Variants in TMCO5A observed in about 807,000 individuals in gnomAD.
The protein encoded by TMCO5A is transmembrane and coiled-coil domain-containing protein 5A.
In TMCO5A, 34 loss-of-function variants were observed where a neutral mutation model predicts 42.3. The observed-to-expected ratio is 0.80, with a 90% CI of 0.61 to 1.07. TMCO5A has a LOEUF of 1.07. Among genes scored for constraint, TMCO5A ranks in the 50% least tolerant of loss-of-function variants. The pLI is 0.00. For missense variants in TMCO5A, 357 were observed against 327.9 expected (o/e 1.09, Z -0.69); for synonymous variants, 131 against 115.6 (o/e 1.13, Z -0.86).
At chr15:37,943,149 A>C (rs1445881779) in intron 9 of TMCO5A, 192 bp from the exon 10 acceptor site, 1 of 472,444 alleles carries the variant, frequency 2.1e-6, no homozygotes, top group Non-Finnish European at 3.7e-6. Flanking sequence ...ATGGCAATTG[A>C]GTACATAAAA....
intron 11 of TMCO5A, among the ~76,000 whole-genome samples, chr15:37,960,607 C>A (rs1022128298): frequency 1.4e-4 from 22 of 152,120 alleles, no homozygotes; most frequent in African/African-American, 4.1e-4. Flanking sequence ...AATCTCCACA[C>A]TGTTTTCCAT....
At chr15:37,943,550 T>A in intron 10 of TMCO5A, 152 bp downstream of exon 10, 1 of 635,566 alleles carries the variant, frequency 1.6e-6, no homozygotes, top group Non-Finnish European at 2.7e-6. Context: ...ATTCCAACCC[T>A]AAACAAACAA....
At chr15:37,943,139 A>G (rs1889811226) in intron 9 of TMCO5A, 1 of 441,586 alleles carries the variant, frequency 2.3e-6, no homozygotes, top group South Asian at 3.7e-5. Context: ...CTAACTACAT[A>G]TGGCAATTGA....
chr15:37,995,852 A>AAAACAAAC, the TMCO5A span, among the ~76,000 whole-genome samples: 1 of 152,022 alleles, frequency 6.6e-6, no homozygotes, highest in East Asian at 1.9e-4. Flanking sequence ...CTCCAAAAAA[A>AAAACAAAC]AAACAAACAA....
At chr15:38,039,507 C>G in the TMCO5A span, among the ~76,000 whole-genome samples, 22 of 152,296 alleles carry the variant, frequency 1.4e-4, no homozygotes, top group Admixed American at 1.4e-3. Context: ...CTTTTTGGAA[C>G]AGGATTTGTA....
chr15:38,024,102 C>T, the TMCO5A span, among the ~76,000 whole-genome samples: 3 of 152,220 alleles, frequency 2.0e-5, no homozygotes, highest in African/African-American at 7.2e-5. Flanking sequence ...GCTTTCCAAG[C>T]TTGGGCCTGA....
the TMCO5A span, among the ~76,000 whole-genome samples, chr15:38,023,901 C>T: frequency 6.6e-6 from 1 of 152,166 alleles, no homozygotes; most frequent in African/African-American, 2.4e-5. Flanking sequence ...TACCACTCTT[C>T]AAAGTGGTTC....
At chr15:38,008,187 GC>G in the TMCO5A span, among the ~76,000 whole-genome samples, 1 of 151,982 alleles carries the variant, frequency 6.6e-6, no homozygotes, top group Non-Finnish European at 1.5e-5. Context: ...GAGCCACCGT[GC>G]CCAGCCAAAC....
At position 37,943,398 on chromosome 15, in the gene TMCO5A, G is replaced by A; in HGVS notation, c.627G>A (p.Glu209=). ...VEKEHTSQNN[E]GTPTQKTARL... is the part of the protein sequence containing the mutation. Reference sequence around the variant, plus strand: ...AAGAGCATACCAGCCAAAATAATGAGGTAAACACTCCATTCTCTCTTCAGC... The same window carrying A: ...AAGAGCATACCAGCCAAAATAATGAAGTAAACACTCCATTCTCTCTTCAGC... The change falls in exon 10 of 12, where the codon GAG becomes GAA. Residue 209 remains glutamate (E), a splice_region_variant and synonymous_variant. Coordinates refer to ENST00000319669, the MANE Select transcript of TMCO5A (RefSeq NM_152453.4). 6.2e-7 allele frequency: 1 copy of A among 1,612,096 alleles called. No individual in the cohort carries two copies. Among genetic ancestry groups the A allele is most frequent in the Non-Finnish European group, 8.5e-7 (1 of 1,178,948 alleles).
chr15:38,038,296 G>GTT, the TMCO5A span, among the ~76,000 whole-genome samples: 1 of 152,028 alleles, frequency 6.6e-6, no homozygotes. Context: ...TGGGACGATG[G>GTT]CACTGCTATA....
chr15:37,958,136 C>T lies in TMCO5A; in HGVS notation c.669-8489C>T, dbSNP rs564897401. ...ACGTAAGACCTAAAACCATAAAAAC[C>T]CTAGAAGAAAACCTAGGCAATACCA... On this transcript the variant is annotated intron_variant, in intron 11 of 11. Transcript: ENST00000559502. 3.9e-3 allele frequency among the ~76,000 whole-genome samples: 586 copies of T among 152,046 alleles called. 5 individuals carry two copies. Among genetic ancestry groups the T allele is most frequent in the Non-Finnish European group, 5.8e-3 (396 of 67,968 alleles).
intron 7 of TMCO5A, 133 bp from the exon 8 acceptor site, chr15:37,941,538 A>C: frequency 2.7e-6 from 2 of 743,942 alleles, no homozygotes; most frequent in Non-Finnish European, 4.5e-6. Context: ...TTATCTGTAC[A>C]GCAAAAAAGA....
chr15:37,981,363 G>C, the TMCO5A span, among the ~76,000 whole-genome samples: 2 of 152,188 alleles, frequency 1.3e-5, no homozygotes, highest in East Asian at 3.8e-4. Flanking sequence ...TTCCTCGCCA[G>C]TGTAAACTTT....
chr15:38,031,261 A>T, the TMCO5A span, among the ~76,000 whole-genome samples: 1 of 151,836 alleles, frequency 6.6e-6, no homozygotes. Flanking sequence ...CCTTAATATG[A>T]CCTAAAAACT....
In TMCO5A at chr15:37,940,520, C is replaced by A. The variant is rs552384937; in HGVS notation, c.388-629C>A. On this transcript the variant is annotated intron_variant, in intron 6 of 11. Transcript: ENST00000319669. ...AACCACCTACCACCTCCTCTCACACCACCACTACCATCACTATCTTTAAAC... is the reference window on the plus strand; with the variant it reads ...AACCACCTACCACCTCCTCTCACACAACCACTACCATCACTATCTTTAAAC... Among the ~76,000 whole-genome samples the A allele has an allele frequency of 3.9e-5, 6 of 152,164 alleles. No individual in the cohort carries two copies. The South Asian group carries it at 8.3e-4, about 21-fold the overall frequency.
the TMCO5A span, among the ~76,000 whole-genome samples, chr15:38,027,164 A>T: frequency 6.6e-6 from 1 of 152,000 alleles, no homozygotes; most frequent in Admixed American, 6.6e-5. Flanking sequence ...AGCTTGCACC[A>T]TTTGCCTGGA....
chr15:37,972,214 G>T (rs112984562), downstream of TMCO5A, among the ~76,000 whole-genome samples: 1,892 of 152,264 alleles, frequency 0.012, 16 homozygotes, highest in Non-Finnish European at 0.02. Context: ...CAAGAGAAGA[G>T]AGCTTGCTCA....
chr15:38,004,203 G>A, the TMCO5A span, among the ~76,000 whole-genome samples: 81 of 152,066 alleles, frequency 5.3e-4, no homozygotes, highest in Non-Finnish European at 1.0e-3. Flanking sequence ...AATGTCATCT[G>A]TGAGCTAGGG....
intron 9 of TMCO5A, chr15:37,942,623 ATCCTCACTTCC>A: frequency 5.4e-6 from 1 of 185,174 alleles, no homozygotes; most frequent in Non-Finnish European, 1.1e-5. Context: ...CATTAATACC[ATCCTCACTTCC>A]CCCAAATATA....
Sources: allele counts gnomAD v4.1 joint callset (sites outside exome capture counted in the v4.1 genomes callset), GRCh38; gene constraint gnomAD v4.1.1; transcripts MANE v1.5; gene names NCBI Gene and HGNC (gene_info 2026-07-23, HGNC 2026-07-21).